DPP10: variants seen among roughly 807,000 people sequenced by gnomAD.
DPP10 encodes inactive dipeptidyl peptidase 10.
In DPP10, 33 loss-of-function variants were observed where a neutral mutation model predicts 120.9. The ratio of observed to expected loss-of-function variants is 0.27; its 90% CI spans 0.21 to 0.37. The LOEUF (loss-of-function observed/expected upper bound fraction) is 0.37. Among genes scored for constraint, DPP10 ranks in the 10% least tolerant of loss-of-function variants. The probability of loss-of-function intolerance (pLI) is 1.00; values close to 1 mark genes in which losing one functional copy is unlikely to be tolerated. For synonymous variants in DPP10, 337 were observed against 326.1 expected, an observed-to-expected ratio of 1.03 and a Z score of -0.36; for missense variants, 816 against 942.8, an observed-to-expected ratio of 0.87 and a Z score of 1.76.
intron 1 of DPP10, among the ~76,000 whole-genome samples, chr2:115,125,243 T>C (rs2050014296): frequency 6.6e-6 from 1 of 152,204 alleles, no homozygotes; most frequent in African/African-American, 2.4e-5. Flanking sequence ...AAAAAAGTAT[T>C]TCTTCTATCT....
intron 4 of DPP10, among the ~76,000 whole-genome samples, chr2:115,525,094 C>A (rs1242319877): frequency 3.9e-5 from 6 of 152,276 alleles, no homozygotes; most frequent in Non-Finnish European, 2.9e-5. Flanking sequence ...TATTTCTCTG[C>A]AAATACCATG....
intron 1 of DPP10, among the ~76,000 whole-genome samples, chr2:114,990,084 G>T (rs901980445): frequency 6.6e-6 from 1 of 152,036 alleles, no homozygotes; most frequent in African/African-American, 2.4e-5. Context: ...TTGCTGTCAA[G>T]GTGAATAGCT....
At chr2:115,269,008 G>T (rs1379785216) in intron 1 of DPP10, among the ~76,000 whole-genome samples, 4 of 152,106 alleles carry the variant, frequency 2.6e-5, no homozygotes, top group African/African-American at 9.7e-5. Flanking sequence ...TTAGCTGGGC[G>T]TGGTGGCACG....
At chr2:115,145,154 A>G (rs2051153926) in intron 1 of DPP10, 1 of 152,144 alleles carries the variant, frequency 6.6e-6, no homozygotes, top group Non-Finnish European at 1.5e-5. Context: ...AGAAAAAAAA[A>G]AGAAGAAATA....
At chr2:114,803,201 G>T (rs1418465511) in intron 1 of DPP10, among the ~76,000 whole-genome samples, 4 of 152,182 alleles carry the variant, frequency 2.6e-5, no homozygotes, top group Non-Finnish European at 5.9e-5. Flanking sequence ...CACCATGTAA[G>T]AAGTGCCTTT....
Position 115,801,617 on chromosome 2 carries a change from A to T in DPP10, c.1700+10261A>T, listed in dbSNP as rs148843195. Among the ~76,000 whole-genome samples, 830 of 152,214 alleles carry T rather than the reference A, an allele frequency of 5.5e-3. 5 individuals carry two copies. The highest frequency in any genetic ancestry group is 0.014 in the Middle Eastern group (4 of 294). ...TTTGAGATACGTCTCATCTATACCT[A>T]GTTTATTAAGAGTTTTTAGCATGAA... is the stretch of plus-strand genomic sequence containing the variant. On this transcript the variant is annotated intron_variant, in intron 19 of 25. Coordinates refer to ENST00000410059, the MANE Select transcript of DPP10 (RefSeq NM_020868.6).
At chr2:115,789,804 T>G (rs35447377) in intron 17 of DPP10, among the ~76,000 whole-genome samples, 41,321 of 152,042 alleles carry the variant, frequency 0.27, 5,956 homozygotes, top group Middle Eastern at 0.45. Context: ...AACCATTTCA[T>G]CAATGAAAAT....
At chr2:114,473,984 GTC>G (rs1164034604) in intron 1 of DPP10, among the ~76,000 whole-genome samples, 1 of 152,164 alleles carries the variant, frequency 6.6e-6, no homozygotes, top group Non-Finnish European at 1.5e-5. Flanking sequence ...CTGAGATAGA[GTC>G]TCTCTCTGTC....
intron 1 of DPP10, among the ~76,000 whole-genome samples, chr2:115,050,988 T>C: frequency 6.6e-6 from 1 of 152,160 alleles, no homozygotes; most frequent in East Asian, 1.9e-4. Context: ...ACAATCACCA[T>C]AACAAACAGA....
At chr2:114,470,417 C>G (rs1420288263) in intron 1 of DPP10, among the ~76,000 whole-genome samples, 1 of 152,088 alleles carries the variant, frequency 6.6e-6, no homozygotes, top group Non-Finnish European at 1.5e-5. Flanking sequence ...TGTATTAATT[C>G]CTAATTTAAA....
chr2:115,719,664 A>G (rs17044908), intron 7 of DPP10, among the ~76,000 whole-genome samples: 44,799 of 152,156 alleles, frequency 0.29, 6,794 homozygotes, highest in Middle Eastern at 0.45. Flanking sequence ...GTAAAGTTGA[A>G]TGCTGCATTG....
intron 7 of DPP10, among the ~76,000 whole-genome samples, chr2:115,703,166 C>A (rs887227259): frequency 1.3e-5 from 2 of 151,614 alleles, no homozygotes; most frequent in Non-Finnish European, 2.9e-5. Flanking sequence ...AAGCTCAAGT[C>A]CAGATTATTT....
At chr2:115,775,575 A>G (rs1031993850) in intron 13 of DPP10, among the ~76,000 whole-genome samples, 3 of 152,136 alleles carry the variant, frequency 2.0e-5, no homozygotes, top group African/African-American at 7.2e-5. Context: ...CATCAGGGAA[A>G]GGTTGTTTTT....
intron 1 of DPP10, among the ~76,000 whole-genome samples, chr2:114,530,090 T>C (rs1685834610): frequency 1.3e-5 from 2 of 152,160 alleles, no homozygotes; most frequent in African/African-American, 4.8e-5. Context: ...TCATGACACT[T>C]TATGACATTT....
At chr2:115,783,132 T>C (rs938895934) in intron 17 of DPP10, among the ~76,000 whole-genome samples, 1 of 152,128 alleles carries the variant, frequency 6.6e-6, no homozygotes, top group Non-Finnish European at 1.5e-5. Flanking sequence ...TGTGATGATT[T>C]CACATAAGCT....
rs532903732 is a variant in DPP10, at chr2:115,290,678, TTGTTAG to T, written c.61-18560_61-18555del. 4.0e-4 allele frequency among the ~76,000 whole-genome samples: 61 copies of T among 152,270 alleles called. 1 individual carries two copies. The highest frequency in any genetic ancestry group is 1.4e-3 in the African/African-American group (60 of 41,570). The stretch of plus-strand genomic sequence containing the variant: ...TCCCAAAGTATTGCTGACACGGGAT[TTGTTAG>T]CATGTCTCTAAGGTGATGCACCATA... On this transcript the variant is annotated intron_variant, in intron 1 of 25. Coordinates refer to ENST00000410059, the MANE Select transcript of DPP10 (RefSeq NM_020868.6).
intron 7 of DPP10, among the ~76,000 whole-genome samples, chr2:115,719,845 C>T (rs944320500): frequency 7.2e-5 from 11 of 152,064 alleles, no homozygotes; most frequent in African/African-American, 2.4e-4. Context: ...TGCATGGTGC[C>T]AAGTGCAGAA....
intron 1 of DPP10, among the ~76,000 whole-genome samples, chr2:115,116,061 T>C (rs1208485952): frequency 1.1e-4 from 16 of 152,202 alleles, no homozygotes; most frequent in Admixed American, 1.0e-3. Flanking sequence ...ACAATTCATA[T>C]TGTCCCACAT....
chr2:114,836,489 G>T (rs1459070030), intron 1 of DPP10, among the ~76,000 whole-genome samples: 1 of 152,176 alleles, frequency 6.6e-6, no homozygotes, highest in Non-Finnish European at 1.5e-5. Context: ...TCAAAGGGGA[G>T]GGAGTGTACG....
Sources: allele counts gnomAD v4.1 joint callset (sites outside exome capture counted in the v4.1 genomes callset), GRCh38; gene constraint gnomAD v4.1.1; transcripts MANE v1.5; gene names NCBI Gene and HGNC (gene_info 2026-07-23, HGNC 2026-07-21).